Variants in PDE4B observed in about 807,000 individuals in gnomAD.
PDE4B encodes the protein 3',5'-cyclic-AMP phosphodiesterase 4B.
In PDE4B, 20 loss-of-function variants were observed where a neutral mutation model predicts 82.2. The observed-to-expected ratio is 0.24, with a 90% CI of 0.17 to 0.35. The LOEUF is 0.35. PDE4B is among the 10% of genes least tolerant of loss of function. The pLI is 1.00. For synonymous variants in PDE4B, 320 were observed against 318.9 expected (o/e 1.00, Z -0.04); for missense variants, 655 against 907.2 (o/e 0.72, Z 3.57).
At chr1:66,327,234 C>A (rs1340319708) in intron 7 of PDE4B, among the ~76,000 whole-genome samples, 1 of 151,958 alleles carries the variant, frequency 6.6e-6, no homozygotes, top group African/African-American at 2.4e-5. Context: ...GGTCTATGAA[C>A]CTAAGTATTA....
intron 3 of PDE4B, among the ~76,000 whole-genome samples, chr1:66,203,700 A>T (rs1465668456): frequency 2.0e-5 from 3 of 152,032 alleles, no homozygotes; most frequent in Non-Finnish European, 2.9e-5. Context: ...CAGCTCCATC[A>T]GCTCCTTTAA....
chr1:66,002,234 T>C (rs1281041783), intron 3 of PDE4B, among the ~76,000 whole-genome samples: 1 of 152,180 alleles, frequency 6.6e-6, no homozygotes, highest in Non-Finnish European at 1.5e-5. Flanking sequence ...CCCTTATGAC[T>C]AGTAATACCG....
chr1:66,108,020 T>C (rs1010888438), intron 3 of PDE4B, among the ~76,000 whole-genome samples: 1 of 151,990 alleles, frequency 6.6e-6, no homozygotes, highest in Non-Finnish European at 1.5e-5. Context: ...CACAGCATGA[T>C]GTTTTGATAT....
chr1:66,247,382 C>A, intron 3 of PDE4B, 78 bp from the exon 4 acceptor site: 1 of 909,812 alleles, frequency 1.1e-6, no homozygotes, highest in Non-Finnish European at 1.7e-6. Flanking sequence ...GTACCTGCCA[C>A]ACGTTGGTTC....
chr1:66,185,095 T>G (rs1227987232), intron 3 of PDE4B, among the ~76,000 whole-genome samples: 1 of 151,996 alleles, frequency 6.6e-6, no homozygotes, highest in Non-Finnish European at 1.5e-5. Context: ...CGGTGTTTGG[T>G]TTTTTTGTCC....
intron 3 of PDE4B, among the ~76,000 whole-genome samples, chr1:66,087,087 T>A (rs1657043155): frequency 6.6e-6 from 1 of 152,132 alleles, no homozygotes; most frequent in Admixed American, 6.6e-5. Context: ...TATATTCACG[T>A]ATTGCAAAAG....
Position 66,129,681 on chromosome 1 carries a change from CAAAAAAACAAAAAAACA to C in PDE4B, c.282-117771_282-117755del, listed in dbSNP as rs1557582399. On this transcript the variant is annotated intron_variant, in intron 3 of 16. Transcript: ENST00000341517. Reference sequence around the variant, plus strand: ...TCTCAAAAAAAAAAAAACAAAAAAACAAAAAAACAAAAAAACAAAAAAAAAAACCTCTCTGTAAAATG... The same window carrying C: ...TCTCAAAAAAAAAAAAACAAAAAAACAAAAAAAAAACCTCTCTGTAAAATG... Among the ~76,000 whole-genome samples the C allele has an allele frequency of 5.7e-5, 3 of 52,386 alleles. 1 individual carries two copies. The highest frequency in any genetic ancestry group is 1.5e-4 in the African/African-American group (2 of 13,082). 34.4% of individuals were successfully genotyped at this position (52,386 alleles called of 152,430 possible).
At chr1:66,065,574 T>G (rs1655802285) in intron 3 of PDE4B, among the ~76,000 whole-genome samples, 1 of 151,860 alleles carries the variant, frequency 6.6e-6, no homozygotes, top group Admixed American at 6.6e-5. Context: ...GGAACTGTAT[T>G]GTACTTCTTT....
chr1:66,348,667 TA>T lies in PDE4B; in HGVS notation c.748-6847del, dbSNP rs930105840. On this transcript the variant is annotated intron_variant, in intron 8 of 16. Transcript: ENST00000341517. ...GCAATATCAGGACCATACTTACAGT[TA>T]AAAAAAAAAAAAGATAAAGAAAATT... 5.6e-3 allele frequency among the ~76,000 whole-genome samples: 796 copies of T among 142,934 alleles called. 3 individuals are homozygous for T. Among genetic ancestry groups the T allele is most frequent in the African/African-American group, 8.3e-3 (328 of 39,406 alleles). 93.8% of individuals were successfully genotyped at this position (142,934 alleles called of 152,430 possible).
chr1:65,914,025 T>C (rs998179506), intron 2 of PDE4B, among the ~76,000 whole-genome samples: 7 of 152,216 alleles, frequency 4.6e-5, no homozygotes, highest in Non-Finnish European at 1.0e-4. Context: ...CTCTTTGCTT[T>C]CAATTGACCA....
intron 9 of PDE4B, among the ~76,000 whole-genome samples, chr1:66,356,884 GAGA>G (rs1216493123): frequency 6.6e-6 from 1 of 152,192 alleles, no homozygotes; most frequent in African/African-American, 2.4e-5. Context: ...GAGAACAAAG[GAGA>G]AGAATTTTCA....
At chr1:65,961,286 A>G (rs978597014) in intron 3 of PDE4B, among the ~76,000 whole-genome samples, 3 of 152,150 alleles carry the variant, frequency 2.0e-5, no homozygotes, top group Admixed American at 6.6e-5. Context: ...ACATCTGTCT[A>G]GAAAAACTGA....
chr1:65,864,776 A>G (rs1571035037), intron 1 of PDE4B, among the ~76,000 whole-genome samples: 1 of 151,842 alleles, frequency 6.6e-6, no homozygotes, highest in East Asian at 1.9e-4. Context: ...GCCAGCTGGA[A>G]CTCTCCTGTA....
intron 3 of PDE4B, among the ~76,000 whole-genome samples, chr1:66,014,032 A>G (rs78602791): frequency 0.03 from 4,571 of 151,918 alleles, 237 homozygotes; most frequent in African/African-American, 0.1. Context: ...TTTGATTTGT[A>G]TTTTCCTAAT....
chr1:66,131,590 CAGATATATATATATATATATATATATAT>C (rs1475393346), intron 3 of PDE4B, among the ~76,000 whole-genome samples: 5 of 15,952 alleles, frequency 3.1e-4, no homozygotes, highest in African/African-American at 7.0e-4. Flanking sequence ...TTCTGAATGC[CAGATATATATATATATATATATATATAT>C]ATATATATAT....
intron 8 of PDE4B, among the ~76,000 whole-genome samples, chr1:66,334,620 A>T (rs187026230): frequency 7.9e-5 from 12 of 152,328 alleles, no homozygotes; most frequent in Admixed American, 1.3e-4. Context: ...AGCCTCAGTC[A>T]TTTTCTAGTT....
chr1:66,364,387 G>T (rs1663063889), intron 12 of PDE4B, among the ~76,000 whole-genome samples: 2 of 152,144 alleles, frequency 1.3e-5, no homozygotes, highest in South Asian at 4.1e-4. Flanking sequence ...GGTGGCCGTG[G>T]CTCCCTTCCT....
Position 65,984,987 on chromosome 1 carries a change from C to A in PDE4B, c.281+66152C>A, listed in dbSNP as rs555599752. Among the ~76,000 whole-genome samples the A allele has an allele frequency of 7.2e-5, 11 of 152,014 alleles. No homozygotes were observed. In the East Asian group the frequency reaches 1.5e-3, roughly 21 times the overall value. ...ATAGCAAGTCTTGACAAATAAAATT[C>A]TATTTTCTTCGTTATGAACTAATGA... On this transcript the variant is annotated intron_variant, in intron 3 of 16. Coordinates refer to ENST00000341517, the MANE Select transcript of PDE4B (RefSeq NM_002600.4).
chr1:66,359,355 C>T (rs1662569369), intron 9 of PDE4B, among the ~76,000 whole-genome samples: 1 of 152,210 alleles, frequency 6.6e-6, no homozygotes. Flanking sequence ...TGTATTCTGA[C>T]TATTCCATAA....
Sources: allele counts gnomAD v4.1 joint callset (sites outside exome capture counted in the v4.1 genomes callset), GRCh38; gene constraint gnomAD v4.1.1; transcripts MANE v1.5; gene names NCBI Gene and HGNC (gene_info 2026-07-23, HGNC 2026-07-21).